Variants in KCNIP4 observed in about 807,000 individuals in gnomAD.
KCNIP4 encodes Kv channel-interacting protein 4.
A neutral mutation model predicts 34.0 loss-of-function variants in KCNIP4; 12 were observed. That is an observed-to-expected ratio of 0.35 (90% confidence interval 0.23 to 0.57). The LOEUF (loss-of-function observed/expected upper bound fraction) is 0.57. Ranked by LOEUF, KCNIP4 falls within the 20% of genes least tolerant of loss-of-function variation. The probability of loss-of-function intolerance (pLI) is 0.83; values close to 1 mark genes in which losing one functional copy is unlikely to be tolerated. For synonymous variants in KCNIP4, 124 were observed against 102.2 expected (o/e 1.21, Z -1.29); for missense variants, 238 against 311.7 (o/e 0.76, Z 1.78).
At chr4:21,527,455 G>A (rs1736068120) in intron 1 of KCNIP4, among the ~76,000 whole-genome samples, 1 of 152,078 alleles carries the variant, frequency 6.6e-6, no homozygotes, top group Non-Finnish European at 1.5e-5. Context: ...GACTTGGGCC[G>A]CAGGAAGGAC....
intron 1 of KCNIP4, among the ~76,000 whole-genome samples, chr4:21,466,770 C>G (rs1729977345): frequency 6.6e-6 from 1 of 152,084 alleles, no homozygotes; most frequent in Non-Finnish European, 1.5e-5. Flanking sequence ...AATCAACATA[C>G]TTTAGAGTTG....
At chr4:21,748,336 A>G (rs1335091244) in intron 1 of KCNIP4, among the ~76,000 whole-genome samples, 2 of 152,188 alleles carry the variant, frequency 1.3e-5, no homozygotes, top group African/African-American at 4.8e-5. Flanking sequence ...TGTGATAGAC[A>G]TGATTATCTC....
chr4:21,913,680 T>C (rs943429785), intron 1 of KCNIP4, among the ~76,000 whole-genome samples: 3 of 152,134 alleles, frequency 2.0e-5, no homozygotes, highest in East Asian at 1.9e-4. Context: ...ATCAGTCTAG[T>C]TGGAGAAACA....
At chr4:21,560,884 T>C (rs1739447344) in intron 1 of KCNIP4, among the ~76,000 whole-genome samples, 1 of 152,036 alleles carries the variant, frequency 6.6e-6, no homozygotes, top group African/African-American at 2.4e-5. Flanking sequence ...GATGTTTAGA[T>C]TGGTGCCTCC....
At chr4:21,928,241 C>T (rs145305385) in intron 1 of KCNIP4, among the ~76,000 whole-genome samples, 156 of 152,004 alleles carry the variant, frequency 1.0e-3, no homozygotes, top group African/African-American at 3.5e-3. Flanking sequence ...CTAGCAAGAC[C>T]TAATTCCCTG....
chr4:21,458,736 T>G (rs940832126), intron 1 of KCNIP4, among the ~76,000 whole-genome samples: 7 of 152,098 alleles, frequency 4.6e-5, no homozygotes, highest in African/African-American at 1.7e-4. Context: ...CAACTGATTC[T>G]TGTTGTTTCT....
chr4:20,994,319 G>A (rs774078033), intron 1 of KCNIP4, among the ~76,000 whole-genome samples: 12 of 152,266 alleles, frequency 7.9e-5, no homozygotes, highest in Non-Finnish European at 1.5e-4. Flanking sequence ...CACGAAGACA[G>A]AGTCCACTTT....
At chr4:20,908,896 C>T (rs1438177303) in intron 1 of KCNIP4, among the ~76,000 whole-genome samples, 1 of 152,170 alleles carries the variant, frequency 6.6e-6, no homozygotes, top group African/African-American at 2.4e-5. Context: ...ACTCAGTGCT[C>T]ATTGTTTAGT....
chr4:21,643,806 A>T (rs368038106), intron 1 of KCNIP4, among the ~76,000 whole-genome samples: 12 of 152,042 alleles, frequency 7.9e-5, no homozygotes, highest in African/African-American at 2.7e-4. Flanking sequence ...CTCCATAATT[A>T]TGTGAGCCAA....
intron 1 of KCNIP4, among the ~76,000 whole-genome samples, chr4:21,925,069 A>AT (rs1578149603): frequency 6.6e-6 from 1 of 150,878 alleles, no homozygotes; most frequent in Non-Finnish European, 1.5e-5. Context: ...ATGTCATTTC[A>AT]TTTTTTTCTT....
At chr4:21,440,829 C>T (rs1209161352) in intron 1 of KCNIP4, among the ~76,000 whole-genome samples, 2 of 152,120 alleles carry the variant, frequency 1.3e-5, no homozygotes, top group Non-Finnish European at 2.9e-5. Flanking sequence ...AATTGCATGA[C>T]CTCCTTTAAC....
chr4:21,614,548 C>A (rs945689681), intron 1 of KCNIP4, among the ~76,000 whole-genome samples: 6 of 147,448 alleles, frequency 4.1e-5, no homozygotes, highest in Non-Finnish European at 6.0e-5. Context: ...CTATTTAATG[C>A]ATATTAAATC....
chr4:20,917,277 C>G (rs941139684), intron 1 of KCNIP4, among the ~76,000 whole-genome samples: 1 of 151,782 alleles, frequency 6.6e-6, no homozygotes, highest in Non-Finnish European at 1.5e-5. Flanking sequence ...ATCCACCTAC[C>G]TCGGCCTCCC....
chr4:21,228,650 C>T (rs1417709278), intron 1 of KCNIP4, among the ~76,000 whole-genome samples: 4 of 152,120 alleles, frequency 2.6e-5, no homozygotes, highest in Non-Finnish European at 4.4e-5. Context: ...TAGTTCTCTT[C>T]TTCCTTCATC....
intron 1 of KCNIP4, among the ~76,000 whole-genome samples, chr4:21,605,486 CA>C (rs1412079957): frequency 6.6e-6 from 1 of 151,900 alleles, no homozygotes; most frequent in East Asian, 1.9e-4. Context: ...TTCCTTTTTA[CA>C]ATTTTTTTTT....
chr4:21,466,736 G>T (rs1262425452), intron 1 of KCNIP4, among the ~76,000 whole-genome samples: 1 of 152,074 alleles, frequency 6.6e-6, no homozygotes, highest in Non-Finnish European at 1.5e-5. Context: ...GTCTCCTAAT[G>T]GGGCTGTCAT....
chr4:21,455,808 CAT>C (rs1171436191), intron 1 of KCNIP4, among the ~76,000 whole-genome samples: 925 of 71,054 alleles, frequency 0.013, 12 homozygotes, highest in Middle Eastern at 0.038. Flanking sequence ...TACAGATATT[CAT>C]ATATATATAT....
chr4:20,879,573 T>C (rs1724452751), intron 2 of KCNIP4, among the ~76,000 whole-genome samples: 1 of 152,216 alleles, frequency 6.6e-6, no homozygotes, highest in African/African-American at 2.4e-5. Context: ...TTTAAGAATG[T>C]CTATGGTTCT....
intron 1 of KCNIP4, among the ~76,000 whole-genome samples, chr4:21,788,239 TGG>T (rs1720038164): frequency 6.6e-6 from 1 of 151,524 alleles, no homozygotes; most frequent in African/African-American, 2.4e-5. Context: ...TATTAAGCAA[TGG>T]ACAATATAAA....
Sources: allele counts gnomAD v4.1 joint callset (sites outside exome capture counted in the v4.1 genomes callset), GRCh38; gene constraint gnomAD v4.1.1; transcripts MANE v1.5; gene names NCBI Gene and HGNC (gene_info 2026-07-23, HGNC 2026-07-21).